CRPPA: variants seen among roughly 807,000 people sequenced by gnomAD.
CRPPA encodes the protein CDP-L-ribitol pyrophosphorylase A, also known as D-ribitol-5-phosphate cytidylyltransferase.
CRPPA carries 43 observed loss-of-function variants against 52.0 expected under a neutral mutation model. The ratio of observed to expected loss-of-function variants is 0.83; its 90% confidence interval spans 0.65 to 1.07. The LOEUF is 1.07. Ranked by LOEUF, CRPPA falls within the 50% of genes least tolerant of loss-of-function variation. The probability of loss-of-function intolerance (pLI) is 0.00; values close to 1 mark genes in which losing one functional copy is unlikely to be tolerated. For synonymous variants in CRPPA, 250 were observed against 203.5 expected, an observed-to-expected ratio of 1.23 and a Z score of -1.94; for missense variants, 629 against 551.7, an observed-to-expected ratio of 1.14 and a Z score of -1.40.
rs1785643791 is a variant in CRPPA, at chr7:16,335,050, T to C, written c.685-26423A>G. 2.0e-5 allele frequency among the ~76,000 whole-genome samples: 3 copies of C among 147,038 alleles called. No individual in the cohort carries two copies. The South Asian group carries it at 6.4e-4, about 31-fold the overall frequency. ...TTAAAGACGTTCAGGCCAGGTGAAG[T>C]GGCTCACACATGTAATCCCAGCAAT... On this transcript the variant is annotated intron_variant, in intron 3 of 9. Transcript: ENST00000407010.
chr7:16,186,893 G>A (rs190675267), intron 9 of CRPPA, among the ~76,000 whole-genome samples: 40 of 152,238 alleles, frequency 2.6e-4, no homozygotes, highest in Admixed American at 1.8e-3. Context: ...TGCATTCAAC[G>A]TTTGTTAACC....
At chr7:16,176,243 A>G (rs1459870473) in intron 9 of CRPPA, among the ~76,000 whole-genome samples, 1 of 152,268 alleles carries the variant, frequency 6.6e-6, no homozygotes, top group East Asian at 1.9e-4. Context: ...TAAAGAGAGA[A>G]GACCAAATGT....
chr7:16,097,199 G>C (rs929726013), intron 9 of CRPPA, among the ~76,000 whole-genome samples: 1 of 151,922 alleles, frequency 6.6e-6, no homozygotes, highest in East Asian at 1.9e-4. Context: ...AATTCACAAA[G>C]TCTTAGCTTT....
At chr7:16,158,403 TA>T (rs1187081191) in intron 9 of CRPPA, among the ~76,000 whole-genome samples, 1 of 152,024 alleles carries the variant, frequency 6.6e-6, no homozygotes, top group East Asian at 1.9e-4. Context: ...AATAAATTTC[TA>T]ATGAAATTTC....
intron 9 of CRPPA, among the ~76,000 whole-genome samples, chr7:16,132,042 T>A (rs2128373145): frequency 6.6e-6 from 1 of 152,194 alleles, no homozygotes; most frequent in East Asian, 1.9e-4. Context: ...CTAGCAGAGA[T>A]GCAGTGGGTG....
intron 8 of CRPPA, among the ~76,000 whole-genome samples, chr7:16,247,052 C>T (rs1187025289): frequency 1.3e-5 from 2 of 152,258 alleles, no homozygotes; most frequent in East Asian, 1.9e-4. Flanking sequence ...TGTCATTTAG[C>T]ATTGCTATGT....
chr7:16,256,057 G>A (rs747707398), intron 8 of CRPPA, among the ~76,000 whole-genome samples: 38 of 151,972 alleles, frequency 2.5e-4, no homozygotes, highest in Non-Finnish European at 4.3e-4. Flanking sequence ...GACAAAGGTC[G>A]AATATCCAGA....
chr7:16,186,869 A>ATCAATGGAT, intron 9 of CRPPA, among the ~76,000 whole-genome samples: 1 of 152,306 alleles, frequency 6.6e-6, no homozygotes, highest in Admixed American at 6.5e-5. Context: ...TTGTCCCACC[A>ATCAATGGAT]TCAATGGATT....
chr7:16,232,292 G>A (rs1487133418), intron 8 of CRPPA, among the ~76,000 whole-genome samples: 1 of 152,174 alleles, frequency 6.6e-6, no homozygotes, highest in Non-Finnish European at 1.5e-5. Flanking sequence ...AGTATTAAGA[G>A]ATAGGGCCTT....
At chr7:16,317,498 T>C (rs926053480) in intron 3 of CRPPA, among the ~76,000 whole-genome samples, 8 of 152,194 alleles carry the variant, frequency 5.3e-5, no homozygotes, top group African/African-American at 1.4e-4. Flanking sequence ...TCTGACAATA[T>C]GCATCATCTT....
chr7:16,130,227 T>C (rs1782655887), intron 9 of CRPPA, among the ~76,000 whole-genome samples: 1 of 152,232 alleles, frequency 6.6e-6, no homozygotes, highest in South Asian at 2.1e-4. Context: ...ATAATTTGTT[T>C]CTTTAATCAT....
In CRPPA at chr7:16,410,882, T is replaced by A. The variant is rs182289185; in HGVS notation, c.258-4545A>T. Among the ~76,000 whole-genome samples, 63 of 152,292 alleles carry A rather than the reference T, an allele frequency of 4.1e-4. No homozygotes were observed. The East Asian group carries it at 0.012, about 29-fold the overall frequency. ...TACTCATCAGTTCTGACTTCAGAGA[T>A]GGCTCCCTCCAGGAAGCTTTCCCTG... On this transcript the variant is annotated intron_variant, in intron 1 of 9. Coordinates refer to ENST00000407010, the MANE Select transcript of CRPPA (RefSeq NM_001101426.4).
At position 16,117,755 on chromosome 7, in the gene CRPPA, A is replaced by G. The variant is rs75870160; in HGVS notation, c.1252-25956T>C. ...GCATTCCCACCATCTTCCTTGTAAG[A>G]AAGGCCTCACGTGTTTGACCAGAAT... is the stretch of plus-strand genomic sequence containing the variant. On this transcript the variant is annotated intron_variant, in intron 9 of 9. Coordinates refer to ENST00000407010, the MANE Select transcript of CRPPA (RefSeq NM_001101426.4). Among the ~76,000 whole-genome samples the G allele has an allele frequency of 7.6e-3, 1,153 of 152,324 alleles. 16 individuals are homozygous for G. Among genetic ancestry groups the G allele is most frequent in the African/African-American group, 0.026 (1,083 of 41,572 alleles).
chr7:16,112,549 T>A (rs17286602), intron 9 of CRPPA, among the ~76,000 whole-genome samples: 56,308 of 151,946 alleles, frequency 0.37, 11,573 homozygotes, highest in East Asian at 0.65. Flanking sequence ...CAAGAATGAC[T>A]GATGTGTAAC....
chr7:16,337,076 G>A (rs1427944383), intron 3 of CRPPA, among the ~76,000 whole-genome samples: 1 of 152,010 alleles, frequency 6.6e-6, no homozygotes, highest in African/African-American at 2.4e-5. Context: ...ACCGACCATT[G>A]AGAAAGAAAA....
chr7:16,262,000 A>G (rs1392361723), intron 6 of CRPPA: 2 of 152,132 alleles, frequency 1.3e-5, no homozygotes, highest in Admixed American at 1.3e-4. Flanking sequence ...CTGTAGATAT[A>G]TGAGGTTGGA....
chr7:16,392,041 G>C (rs1583572144), intron 2 of CRPPA, among the ~76,000 whole-genome samples: 2 of 152,142 alleles, frequency 1.3e-5, no homozygotes, highest in Non-Finnish European at 2.9e-5. Flanking sequence ...AACAATGCAA[G>C]TCTCATTCAT....
chr7:16,109,307 A>G (rs1235066440), intron 9 of CRPPA, among the ~76,000 whole-genome samples: 1 of 151,964 alleles, frequency 6.6e-6, no homozygotes, highest in Non-Finnish European at 1.5e-5. Flanking sequence ...TGAGTAACCC[A>G]GAATAAATGC....
intron 5 of CRPPA, among the ~76,000 whole-genome samples, chr7:16,298,920 C>A (rs73298622): frequency 0.043 from 6,542 of 152,320 alleles, 218 homozygotes; most frequent in East Asian, 0.15. Context: ...ACACCCTTGA[C>A]TTCCCTTGTT....
Sources: gnomAD v4.1 joint callset for allele counts (sites outside exome capture counted in the v4.1 genomes callset) on GRCh38, gnomAD v4.1.1 for gene constraint, MANE v1.5 for transcripts, NCBI Gene and HGNC (gene_info 2026-07-23, HGNC 2026-07-21) for gene names.